The following NRXN3 variants were observed in gnomAD, a reference collection of about 807,000 sequenced individuals.
NRXN3 encodes neurexin III.
Under a neutral mutation model 137.6 loss-of-function variants are expected in NRXN3, and 32 were observed. The observed-to-expected ratio is 0.23, with a 90% CI of 0.18 to 0.31. NRXN3 has a LOEUF of 0.31. Among genes scored for constraint, NRXN3 ranks in the 10% least tolerant of loss-of-function variants. The pLI, the probability that NRXN3 is intolerant of heterozygous loss-of-function variation, is 1.00. For synonymous variants in NRXN3, 798 were observed against 784.5 expected, an observed-to-expected ratio of 1.02 and a Z score of -0.29; for missense variants, 1,574 against 2,062.5, an observed-to-expected ratio of 0.76 and a Z score of 4.59.
intron 4 of NRXN3, among the ~76,000 whole-genome samples, chr14:78,594,357 G>T (rs2097142149): frequency 6.6e-6 from 1 of 152,200 alleles, no homozygotes; most frequent in Non-Finnish European, 1.5e-5. Context: ...GATCTGAGTT[G>T]TCATGTCTGT....
At chr14:78,348,478 C>T (rs933773718) in intron 4 of NRXN3, among the ~76,000 whole-genome samples, 1 of 152,210 alleles carries the variant, frequency 6.6e-6, no homozygotes, top group African/African-American at 2.4e-5. Context: ...GTTCACTGCT[C>T]ATCTCACTAG....
intron 10 of NRXN3, among the ~76,000 whole-genome samples, chr14:78,832,692 GCTAA>G (rs1415351101): frequency 6.6e-6 from 1 of 151,910 alleles, no homozygotes; most frequent in Non-Finnish European, 1.5e-5. Flanking sequence ...AATATTTCCT[GCTAA>G]CTGTCAAAAA....
chr14:79,236,938 G>A (rs532839402), intron 15 of NRXN3, among the ~76,000 whole-genome samples: 73 of 152,114 alleles, frequency 4.8e-4, no homozygotes, highest in Admixed American at 1.8e-3. Flanking sequence ...TTAAAAGTGT[G>A]TTAGATCTGC....
chr14:79,782,776 C>T (rs909188285), intron 19 of NRXN3, among the ~76,000 whole-genome samples: 1 of 152,102 alleles, frequency 6.6e-6, no homozygotes, highest in African/African-American at 2.4e-5. Flanking sequence ...TTCAGTTAAA[C>T]CTGGAAGGAG....
chr14:79,356,679 C>A (rs187959445), intron 15 of NRXN3, among the ~76,000 whole-genome samples: 2 of 152,280 alleles, frequency 1.3e-5, no homozygotes, highest in African/African-American at 4.8e-5. Context: ...CACCTCCCGC[C>A]CCACTGCCTC....
At chr14:79,833,357 G>A (rs1242417688) in intron 20 of NRXN3, among the ~76,000 whole-genome samples, 1 of 152,094 alleles carries the variant, frequency 6.6e-6, no homozygotes, top group Non-Finnish European at 1.5e-5. Flanking sequence ...ATTCCAGTGA[G>A]CCAAACTACA....
intron 10 of NRXN3, among the ~76,000 whole-genome samples, chr14:78,828,620 C>T (rs1457723260): frequency 1.3e-5 from 2 of 152,110 alleles, no homozygotes; most frequent in African/African-American, 4.8e-5. Context: ...TTTGCTAATC[C>T]CTGTTCTAGG....
At chr14:78,685,973 C>T (rs966872241) in intron 6 of NRXN3, among the ~76,000 whole-genome samples, 7 of 152,006 alleles carry the variant, frequency 4.6e-5, no homozygotes, top group Non-Finnish European at 4.4e-5. Flanking sequence ...TAGGCCTTTC[C>T]TGACTACCCT....
In NRXN3 at chr14:78,612,308, G is replaced by A. The variant is rs2097307110; in HGVS notation, c.758-32812G>A. ...TTGGGTCTTGAAAGGATTACAAATG[G>A]AGTGAGAATGGCTATTGCAAACATG... On this transcript the variant is annotated intron_variant, in intron 4 of 20. Transcript: ENST00000335750. Among the ~76,000 whole-genome samples the A allele has an allele frequency of 3.3e-5, 5 of 152,184 alleles. No homozygotes were observed. The South Asian group carries it at 1.0e-3, about 32-fold the overall frequency.
chr14:79,674,922 A>G (rs752196906), intron 17 of NRXN3, among the ~76,000 whole-genome samples: 16 of 152,122 alleles, frequency 1.1e-4, no homozygotes, highest in Non-Finnish European at 1.9e-4. Context: ...GGAAGGGATG[A>G]GGGTATTACA....
At chr14:79,257,535 A>G (rs866415841) in intron 15 of NRXN3, among the ~76,000 whole-genome samples, 52 of 36,430 alleles carry the variant, frequency 1.4e-3, no homozygotes, top group Middle Eastern at 0.014. Flanking sequence ...GGTGGTGGTG[A>G]TGGTGGTGGT....
chr14:79,719,845 A>T (rs182041813), intron 19 of NRXN3, among the ~76,000 whole-genome samples: 1 of 152,282 alleles, frequency 6.6e-6, no homozygotes. Context: ...AATGAAGATA[A>T]TATGATCATT....
chr14:79,823,400 A>G (rs974055955), intron 20 of NRXN3, among the ~76,000 whole-genome samples: 28 of 152,178 alleles, frequency 1.8e-4, no homozygotes, highest in Non-Finnish European at 1.5e-5. Flanking sequence ...CGATATTTTG[A>G]TAATCATACT....
chr14:78,303,184 C>T (rs1414445561), intron 4 of NRXN3, among the ~76,000 whole-genome samples: 2 of 152,102 alleles, frequency 1.3e-5, no homozygotes, highest in Non-Finnish European at 2.9e-5. Context: ...GTTTCTCTAC[C>T]TTTTAATAGT....
At chr14:78,484,245 G>A (rs4899713) in intron 4 of NRXN3, among the ~76,000 whole-genome samples, 139,858 of 152,184 alleles carry the variant, frequency 0.92, 64,866 homozygotes, top group Non-Finnish European at 0.98. Context: ...CAGAGTAAAT[G>A]ACAAGGAAAC....
intron 4 of NRXN3, chr14:78,526,841 T>A: frequency 2.1e-6 from 1 of 487,758 alleles, no homozygotes; most frequent in South Asian, 1.5e-5. Flanking sequence ...ATATTTTCTA[T>A]GCTTCCTGAT....
rs137861427 is a variant in NRXN3, at chr14:79,767,557, C to G, written c.4015-37555C>G. ...TTCCTTTCTTCCTAATAAGTAACAT[C>G]ATCTATACCATCATTATTAAATCAG... On this transcript the variant is annotated intron_variant, in intron 19 of 20. Coordinates refer to ENST00000335750, the MANE Select transcript of NRXN3 (RefSeq NM_001330195.2). Among the ~76,000 whole-genome samples, 114 of 152,302 alleles carry G rather than the reference C, an allele frequency of 7.5e-4. 1 individual carries two copies. The East Asian group carries it at 8.5e-3, about 11-fold the overall frequency.
At chr14:79,162,493 T>C (rs1269483761) in intron 15 of NRXN3, among the ~76,000 whole-genome samples, 1 of 151,822 alleles carries the variant, frequency 6.6e-6, no homozygotes, top group Non-Finnish European at 1.5e-5. Flanking sequence ...TATGGCTGCA[T>C]AGTATTCCAT....
intron 10 of NRXN3, among the ~76,000 whole-genome samples, chr14:78,854,073 A>G (rs963806201): frequency 2.0e-5 from 3 of 152,204 alleles, no homozygotes; most frequent in Non-Finnish European, 4.4e-5. Context: ...CCATATGGCA[A>G]CCTTTAATTA....
Sources: allele counts gnomAD v4.1 joint callset (sites outside exome capture counted in the v4.1 genomes callset), GRCh38; gene constraint gnomAD v4.1.1; transcripts MANE v1.5; gene names NCBI Gene and HGNC (gene_info 2026-07-23, HGNC 2026-07-21).